Variants in HECW2 observed in about 807,000 individuals in gnomAD.
HECW2 encodes HECT, C2 and WW domain containing E3 ubiquitin protein ligase 2, also known as E3 ubiquitin-protein ligase HECW2.
Under a neutral mutation model 175.2 loss-of-function variants are expected in HECW2, and 61 were observed. The observed-to-expected ratio is 0.35, with a 90% CI of 0.28 to 0.43. The LOEUF (loss-of-function observed/expected upper bound fraction) is 0.43. HECW2 is among the 20% of genes least tolerant of loss of function. HECW2 has a pLI of 1.00. For synonymous variants in HECW2, 671 were observed against 731.0 expected (o/e 0.92, Z 1.32); for missense variants, 1,524 against 2,000.5 (o/e 0.76, Z 4.54).
Position 196,278,133 on chromosome 2 carries a change from A to AAAAAAAAAAATATATATATAT in HECW2, c.3135+394_3135+395insATATATATATATTTTTTTTTT, listed in dbSNP as rs531920307. On this transcript the variant is annotated intron_variant, in intron 15 of 28. Transcript: ENST00000644978. ...CCTAGAACTTAAAGTATAATTAAAA[A>AAAAAAAAAAATATATATATAT]ATATATATATATATATATAAAGAAA... 9.8e-4 allele frequency among the ~76,000 whole-genome samples: 65 copies of AAAAAAAAAAATATATATATAT among 66,566 alleles called. 1 individual carries two copies. The highest frequency in any genetic ancestry group is 2.5e-3 in the African/African-American group (61 of 24,324). The allele number at this position is 66,566 out of a possible 152,430, so 43.7% of individuals were successfully genotyped here. A position where few individuals can be genotyped will look rare whatever the true frequency, so the allele number is the denominator to read the frequency against.
intron 1 of HECW2, among the ~76,000 whole-genome samples, chr2:196,564,595 G>T (rs549470279): frequency 2.6e-5 from 4 of 152,124 alleles, no homozygotes; most frequent in African/African-American, 9.6e-5. Context: ...TATGAGTGCT[G>T]CTTTTTCTTT....
intron 1 of HECW2, among the ~76,000 whole-genome samples, chr2:196,462,074 A>T (rs1279018807): frequency 6.6e-6 from 1 of 152,174 alleles, no homozygotes; most frequent in African/African-American, 2.4e-5. Flanking sequence ...ATATGTATAC[A>T]TATATGTACA....
intron 16 of HECW2, among the ~76,000 whole-genome samples, chr2:196,272,064 C>A (rs934845679): frequency 6.6e-6 from 1 of 152,082 alleles, no homozygotes; most frequent in African/African-American, 2.4e-5. Context: ...AAATGAAAAA[C>A]CATCTTCTGA....
chr2:196,295,131 GA>G (rs1296913534), intron 13 of HECW2, among the ~76,000 whole-genome samples: 1 of 152,184 alleles, frequency 6.6e-6, no homozygotes, highest in East Asian at 1.9e-4. Context: ...GGCTAAATAA[GA>G]GGAGGTTTTG....
chr2:196,487,942 A>C (rs930425074), intron 1 of HECW2, among the ~76,000 whole-genome samples: 1 of 152,184 alleles, frequency 6.6e-6, no homozygotes, highest in Non-Finnish European at 1.5e-5. Flanking sequence ...ATAAGAACAA[A>C]CCTTAGTTAA....
intron 3 of HECW2, among the ~76,000 whole-genome samples, chr2:196,342,965 A>ACGTT (rs1559054587): frequency 1.1e-3 from 1 of 928 alleles, no homozygotes; most frequent in Admixed American, 0.033. Context: ...TATATACCAT[A>ACGTT]CATTATGTAT....
chr2:196,319,913 G>C lies in HECW2; in HGVS notation c.986-9C>G, dbSNP rs1691877396. ...AGCTTCTGGAGAGGCATCTGAATGA[G>C]AAAACAGCATTTCTAAAAAATTAAC... On this transcript the variant is annotated splice_polypyrimidine_tract_variant and intron_variant, in intron 8 of 28. Coordinates refer to ENST00000644978, the MANE Select transcript of HECW2 (RefSeq NM_001348768.2). 1 of 1,566,032 alleles carries C rather than the reference G, an allele frequency of 6.4e-7. No individual in the cohort carries two copies. Among genetic ancestry groups the C allele is most frequent in the Admixed American group, 1.9e-5 (1 of 52,078 alleles).
intron 19 of HECW2, among the ~76,000 whole-genome samples, chr2:196,244,546 T>C (rs1317480356): frequency 6.6e-6 from 1 of 152,122 alleles, no homozygotes; most frequent in Non-Finnish European, 1.5e-5. Context: ...CTCAATGACA[T>C]GGCTGCCTGC....
At chr2:196,371,460 T>C (rs769657338) in intron 2 of HECW2, among the ~76,000 whole-genome samples, 9 of 152,208 alleles carry the variant, frequency 5.9e-5, no homozygotes, top group Non-Finnish European at 1.3e-4. Context: ...TTTTAGATTC[T>C]ATTTAAGCTG....
chr2:196,450,324 A>C (rs1010585320), intron 1 of HECW2, among the ~76,000 whole-genome samples: 2 of 152,098 alleles, frequency 1.3e-5, no homozygotes, highest in African/African-American at 4.8e-5. Context: ...GAAAGAAAGA[A>C]AAGGATTGTG....
chr2:196,354,983 A>C (rs986442939), intron 2 of HECW2, among the ~76,000 whole-genome samples: 2 of 152,196 alleles, frequency 1.3e-5, no homozygotes, highest in African/African-American at 4.8e-5. Context: ...TTTTTTCCCC[A>C]AACTGAATGT....
At chr2:196,208,638 G>A (rs150821732) in intron 28 of HECW2, among the ~76,000 whole-genome samples, 4 of 152,324 alleles carry the variant, frequency 2.6e-5, no homozygotes, top group Non-Finnish European at 4.4e-5. Flanking sequence ...CCTCTAACCC[G>A]AGTCTTGGGG....
chr2:196,414,788 T>C (rs1367865491), intron 2 of HECW2, among the ~76,000 whole-genome samples: 1 of 152,150 alleles, frequency 6.6e-6, no homozygotes, highest in Non-Finnish European at 1.5e-5. Flanking sequence ...AAGAATCATG[T>C]GTTCTTGCCC....
chr2:196,376,826 C>A (rs1259436730), intron 2 of HECW2, among the ~76,000 whole-genome samples: 1 of 151,032 alleles, frequency 6.6e-6, no homozygotes, highest in Non-Finnish European at 1.5e-5. Context: ...CCCAGCTACT[C>A]AAGAGGCTGA....
chr2:196,390,909 G>A (rs945111096), intron 2 of HECW2, among the ~76,000 whole-genome samples: 4 of 152,094 alleles, frequency 2.6e-5, no homozygotes, highest in East Asian at 1.9e-4. Flanking sequence ...TACATTGTGC[G>A]AGCTCAATTT....
At chr2:196,293,126 T>C (rs1293128083) in intron 13 of HECW2, among the ~76,000 whole-genome samples, 1 of 152,212 alleles carries the variant, frequency 6.6e-6, no homozygotes, top group Non-Finnish European at 1.5e-5. Context: ...ACGCATTAGC[T>C]ATTTTTCCCT....
chr2:196,592,579 T>C (rs1002359459), intron 1 of HECW2: 1 of 152,278 alleles, frequency 6.6e-6, no homozygotes, highest in South Asian at 2.1e-4. Context: ...AAAAAGGAAA[T>C]GAAGCGTCCT....
At chr2:196,439,634 A>G (rs1695982810) in intron 1 of HECW2, among the ~76,000 whole-genome samples, 1 of 152,214 alleles carries the variant, frequency 6.6e-6, no homozygotes, top group Admixed American at 6.6e-5. Flanking sequence ...GGGACAGTGT[A>G]AGATGTAAGA....
intron 1 of HECW2, among the ~76,000 whole-genome samples, chr2:196,567,537 ACC>A (rs1433100368): frequency 2.0e-5 from 3 of 152,120 alleles, no homozygotes; most frequent in Non-Finnish European, 4.4e-5. Flanking sequence ...TGCCTGCCAA[ACC>A]TGTCACCTGA....
Sources: gnomAD v4.1 joint callset for allele counts (sites outside exome capture counted in the v4.1 genomes callset) on GRCh38, gnomAD v4.1.1 for gene constraint, MANE v1.5 for transcripts, NCBI Gene and HGNC (gene_info 2026-07-23, HGNC 2026-07-21) for gene names.